Variants in ARMC3 observed in about 807,000 individuals in gnomAD.
The protein encoded by ARMC3 is armadillo repeat containing 3.
Under a neutral mutation model 90.3 loss-of-function variants are expected in ARMC3, and 74 were observed. The observed-to-expected ratio is 0.82, with a 90% confidence interval of 0.68 to 0.99. The LOEUF is 0.99. ARMC3 is among the 50% of genes least tolerant of loss of function. The pLI is 0.00. For synonymous variants in ARMC3, 334 were observed against 361.8 expected, an observed-to-expected ratio of 0.92 and a Z score of 0.87; for missense variants, 958 against 1,042.8, an observed-to-expected ratio of 0.92 and a Z score of 1.12.
At chr10:22,976,838 C>T (rs905937082) in intron 8 of ARMC3, among the ~76,000 whole-genome samples, 1 of 152,124 alleles carries the variant, frequency 6.6e-6, no homozygotes, top group Admixed American at 6.5e-5. Context: ...TGAAAATGCA[C>T]AAATACACTA....
rs1186276961 is a variant in ARMC3, at chr10:23,008,270, T to C, written c.1830-6T>C. 13 of 1,423,308 alleles carry C rather than the reference T, an allele frequency of 9.1e-6. No individual in the cohort carries two copies. The highest frequency in any genetic ancestry group is 1.2e-5 in the Non-Finnish European group (13 of 1,045,736). 88.2% of individuals were successfully genotyped at this position (1,423,308 alleles called of 1,614,324 possible). ...TATATATAATTTTAAATGTGTAAAA[T>C]TTTAGTTCTCCACCTTCATCTATGG... is the stretch of plus-strand genomic sequence containing the variant. On this transcript the variant is annotated splice_region_variant and splice_polypyrimidine_tract_variant and intron_variant, in intron 14 of 18. Transcript: ENST00000298032.
Position 23,031,264 on chromosome 10 carries a change from A to G in ARMC3, c.2246+468A>G. ...TTCATGTTACTCTAAGTGGGGTGTG[A>G]GCATTCTAAACAATGGCTGCTTAGG... On this transcript the variant is annotated intron_variant, in intron 17 of 18. Coordinates refer to ENST00000298032, the MANE Select transcript of ARMC3 (RefSeq NM_173081.5). 2 of 165,494 alleles carry G rather than the reference A, an allele frequency of 1.2e-5. 1 individual carries two copies. The highest frequency in any genetic ancestry group is 1.1e-4 in the Admixed American group (2 of 17,646). 10.3% of individuals were successfully genotyped at this position (165,494 alleles called of 1,614,324 possible).
chr10:22,953,570 C>T (rs73600580), intron 3 of ARMC3, among the ~76,000 whole-genome samples: 5,505 of 152,110 alleles, frequency 0.036, 305 homozygotes, highest in African/African-American at 0.12. Context: ...CTATGGCTTA[C>T]AACACACTTA....
intron 12 of ARMC3, among the ~76,000 whole-genome samples, chr10:23,002,710 T>G (rs1837366238): frequency 6.6e-6 from 1 of 151,952 alleles, no homozygotes; most frequent in Non-Finnish European, 1.5e-5. Context: ...GCAATTCTCC[T>G]GTCTCAGCCT....
intron 3 of ARMC3, among the ~76,000 whole-genome samples, chr10:22,953,160 C>T (rs1464584765): frequency 2.6e-5 from 4 of 151,940 alleles, no homozygotes; most frequent in Admixed American, 2.6e-4. Context: ...GTCAGAAGGG[C>T]GTGATTTCTG....
At position 22,932,014 on chromosome 10, in the gene ARMC3, G is replaced by A. The variant is rs1833950949; in HGVS notation, c.18G>A (p.Lys6=). The A allele has an allele frequency of 2.5e-6, 4 of 1,605,658 alleles. No homozygotes were observed. Among genetic ancestry groups the A allele is most frequent in the East Asian group, 4.5e-5 (2 of 44,690 alleles). Residue 6 remains lysine, a synonymous_variant, in exon 2 of 19, where the codon AAG becomes AAA. Transcript: ENST00000298032. MGKKI[K]KEVEPPPKDV... ...TTTCCAGGATGGGTAAAAAGATAAA[G>A]AAGGAAGTAGAGCCTCCTCCTAAGG...
Position 22,998,033 on chromosome 10 carries a change from T to C in ARMC3, c.1176-115T>C, listed in dbSNP as rs144133072. On this transcript the variant is annotated intron_variant, in intron 10 of 18. Coordinates refer to ENST00000298032, the MANE Select transcript of ARMC3 (RefSeq NM_173081.5). Reference sequence around the variant, plus strand: ...CTGGGTTCATTGCATGGCAAATTAATTTATTTCTAAAATCGTATTTCTGTA... The same window carrying C: ...CTGGGTTCATTGCATGGCAAATTAACTTATTTCTAAAATCGTATTTCTGTA... 1.0e-3 allele frequency: 1,288 copies of C among 1,272,940 alleles called. 8 individuals carry two copies. In the African/African-American group the frequency reaches 0.017, roughly 16 times the overall value. 78.9% of individuals were successfully genotyped at this position (1,272,940 alleles called of 1,614,324 possible). A position where few individuals can be genotyped will look rare whatever the true frequency, so the allele number is the denominator to read the frequency against.
At chr10:22,970,189 C>T (rs1437815083) in intron 8 of ARMC3, among the ~76,000 whole-genome samples, 1 of 152,094 alleles carries the variant, frequency 6.6e-6, no homozygotes, top group Non-Finnish European at 1.5e-5. Context: ...TTTCTGAAAT[C>T]AGTGATTAAC....
intron 8 of ARMC3, among the ~76,000 whole-genome samples, chr10:22,975,795 T>C (rs904483658): frequency 1.3e-5 from 2 of 152,222 alleles, no homozygotes; most frequent in Non-Finnish European, 2.9e-5. Flanking sequence ...TTCAGGAAGC[T>C]AGTTTTTTCC....
At chr10:22,961,815 C>T in intron 6 of ARMC3, 69 bp from the exon 7 acceptor site, 1 of 1,303,640 alleles carries the variant, frequency 7.7e-7, no homozygotes, top group Non-Finnish European at 1.1e-6. Flanking sequence ...TGTTAGAAAA[C>T]AGAATTTCTC....
chr10:22,946,946 G>C (rs754206104), intron 3 of ARMC3, among the ~76,000 whole-genome samples: 1 of 152,144 alleles, frequency 6.6e-6, no homozygotes, highest in Non-Finnish European at 1.5e-5. Context: ...GATCACTTGA[G>C]CCCAGGAGTT....
chr10:23,000,531 A>C (rs1458835497), intron 11 of ARMC3, among the ~76,000 whole-genome samples: 3 of 152,218 alleles, frequency 2.0e-5, no homozygotes. Context: ...TCATTAATAT[A>C]TACCTGGCAC....
chr10:22,995,254 G>C (rs1836897420), intron 10 of ARMC3, among the ~76,000 whole-genome samples: 1 of 151,986 alleles, frequency 6.6e-6, no homozygotes, highest in Admixed American at 6.6e-5. Flanking sequence ...TTTCAAAAAA[G>C]AATTTTGTTC....
intron 1 of ARMC3, among the ~76,000 whole-genome samples, chr10:22,929,438 A>G (rs1284308029): frequency 1.3e-5 from 2 of 152,148 alleles, no homozygotes; most frequent in African/African-American, 4.8e-5. Context: ...CCACAGTGAA[A>G]TGTATTACCC....
At chr10:23,002,578 CTTTCTTTT>C in intron 12 of ARMC3, among the ~76,000 whole-genome samples, 2 of 129,542 alleles carry the variant, frequency 1.5e-5, no homozygotes, top group Admixed American at 1.5e-4. Flanking sequence ...TTCTTTCTTT[CTTTCTTTT>C]TCTTTCTTTT....
intron 10 of ARMC3, among the ~76,000 whole-genome samples, chr10:22,983,307 G>A (rs977024178): frequency 2.6e-5 from 4 of 152,068 alleles, no homozygotes; most frequent in African/African-American, 9.7e-5. Context: ...AAATTAGGAT[G>A]GTAAGTAGTT....
At position 22,959,462 on chromosome 10, in the gene ARMC3, G is replaced by A; in HGVS notation, c.425G>A (p.Ser142Asn). ...CLANMSAEYT[S>N]KVQIFEHGGL... Reference sequence around the variant, plus strand: ...GCAAACATGTCTGCAGAGTACACCAGTAAAGTGCAAATATTTGAACATGGG... The same window carrying A: ...GCAAACATGTCTGCAGAGTACACCAATAAAGTGCAAATATTTGAACATGGG... The change falls in exon 6 of 19, where the codon AGT becomes AAT. Residue 142 changes from serine (S) to asparagine (N), a missense_variant. Ser to Asn is a conservative substitution (Grantham distance 46). Transcript: ENST00000298032. The A allele has an allele frequency of 6.2e-7, 1 of 1,613,936 alleles. No homozygotes were observed. Among genetic ancestry groups the A allele is most frequent in the Non-Finnish European group, 8.5e-7 (1 of 1,179,950 alleles).
At chr10:23,037,162 T>G in intron 18 of ARMC3, 108 bp from the exon 19 acceptor site, 1 of 1,022,894 alleles carries the variant, frequency 9.8e-7, no homozygotes, top group Non-Finnish European at 1.4e-6. Context: ...AACATTTCTT[T>G]GCAAGACTTG....
intron 16 of ARMC3, among the ~76,000 whole-genome samples, chr10:23,012,849 C>G (rs969363024): frequency 6.6e-6 from 1 of 151,694 alleles, no homozygotes; most frequent in Non-Finnish European, 1.5e-5. Context: ...TCCATAAACC[C>G]GTCCTCCATG....
Sources: allele counts gnomAD v4.1 joint callset (sites outside exome capture counted in the v4.1 genomes callset), GRCh38; gene constraint gnomAD v4.1.1; transcripts MANE v1.5; gene names NCBI Gene and HGNC (gene_info 2026-07-23, HGNC 2026-07-21).